The following TNRC6A variants were observed in gnomAD, a reference collection of about 807,000 sequenced individuals.
TNRC6A encodes the protein trinucleotide repeat containing adaptor 6A.
In TNRC6A, 44 loss-of-function variants were observed where a neutral mutation model predicts 221.2. The ratio of observed to expected loss-of-function variants is 0.20; its 90% CI spans 0.16 to 0.26. TNRC6A has a LOEUF of 0.26. Ranked by LOEUF, TNRC6A falls within the 10% of genes least tolerant of loss-of-function variation. The pLI is 1.00. For missense variants in TNRC6A, 2,199 were observed against 2,404.4 expected (o/e 0.91, Z 1.79); for synonymous variants, 847 against 838.5 (o/e 1.01, Z -0.18).
chr16:24,793,766 C>G (rs2058161169), intron 7 of TNRC6A, 117 bp downstream of exon 7: 1 of 876,262 alleles, frequency 1.1e-6, no homozygotes, highest in Non-Finnish European at 1.5e-6. Flanking sequence ...TATAATGTAA[C>G]ATGATAGATG....
At chr16:24,622,242 C>A (rs1900712175) in intron 1 of TNRC6A, among the ~76,000 whole-genome samples, 1 of 151,916 alleles carries the variant, frequency 6.6e-6, no homozygotes, top group African/African-American at 2.4e-5. Context: ...AAGACTCTAT[C>A]CCTAAGAAAA....
intron 4 of TNRC6A, chr16:24,776,297 ATTAT>A: frequency 8.1e-6 from 8 of 985,056 alleles, no homozygotes; most frequent in Non-Finnish European, 8.4e-6. Context: ...GAGCATCCAG[ATTAT>A]TTATCTCATT....
rs191600386 is a variant in TNRC6A at position 24,825,104 on chromosome 16, G to A, written c.*1297G>A. 1 of 152,664 alleles carries A rather than the reference G, an allele frequency of 6.6e-6. No individual in the cohort carries two copies. Among genetic ancestry groups the A allele is most frequent in the African/African-American group, 2.4e-5 (1 of 41,542 alleles). The allele number at this position is 152,664 out of a possible 1,614,324, so 9.5% of individuals were successfully genotyped here. A position where few individuals can be genotyped will look rare whatever the true frequency, so the allele number is the denominator to read the frequency against. On this transcript the variant is annotated 3_prime_UTR_variant, in exon 25 of 25. Coordinates refer to ENST00000395799, the MANE Select transcript of TNRC6A (RefSeq NM_014494.4). The stretch of plus-strand genomic sequence containing the variant: ...AGTAACTATGCATACTGTAACCAAG[G>A]TATTGGGCTTACAGAGTTGTTTGTT...
intron 2 of TNRC6A, chr16:24,671,141 T>C: frequency 4.5e-6 from 1 of 224,010 alleles, no homozygotes; most frequent in Non-Finnish European, 9.8e-6. Flanking sequence ...ACCCGCCTGC[T>C]CCCTGGGTGG....
At chr16:24,767,646 A>G (rs1043321551) in intron 4 of TNRC6A, among the ~76,000 whole-genome samples, 2 of 152,182 alleles carry the variant, frequency 1.3e-5, no homozygotes, top group African/African-American at 4.8e-5. Flanking sequence ...AATCTCTAGC[A>G]TTTTATAGTA....
chr16:24,715,392 CT>C (rs1466033115), intron 2 of TNRC6A, among the ~76,000 whole-genome samples: 1 of 151,800 alleles, frequency 6.6e-6, no homozygotes, highest in Non-Finnish European at 1.5e-5. Context: ...CCTTTTAAGC[CT>C]TGTTGGGCAC....
intron 2 of TNRC6A, among the ~76,000 whole-genome samples, chr16:24,709,954 G>A (rs1271084127): frequency 4.6e-5 from 7 of 151,882 alleles, no homozygotes; most frequent in South Asian, 2.1e-4. Flanking sequence ...TATGCTGGGC[G>A]CAGTGGTTCA....
chr16:24,797,625 T>A (rs2058246656), intron 10 of TNRC6A, 55 bp downstream of exon 10: 1 of 1,350,306 alleles, frequency 7.4e-7, no homozygotes, highest in Non-Finnish European at 1.0e-6. Flanking sequence ...CCATGATTTA[T>A]CTTGATTTCA....
chr16:24,704,792 G>A (rs1191618492), intron 2 of TNRC6A, among the ~76,000 whole-genome samples: 1 of 151,480 alleles, frequency 6.6e-6, no homozygotes, highest in Non-Finnish European at 1.5e-5. Flanking sequence ...TTTTCTGGGT[G>A]CATGCAATAC....
rs60469088 is a variant in TNRC6A at position 24,714,302 on chromosome 16, C to CTTTTTTTTTTTTTTTTTT, written n.403-36417_403-36400dup. Among the ~76,000 whole-genome samples the CTTTTTTTTTTTTTTTTTT allele has an allele frequency of 2.8e-5, 2 of 71,294 alleles. 1 individual carries two copies. 46.8% of individuals were successfully genotyped at this position (71,294 alleles called of 152,430 possible). On this transcript the variant is annotated intron_variant and non_coding_transcript_variant, in intron 2 of 2. Coordinates refer to the TNRC6A transcript ENST00000566108. Reference sequence around the variant, plus strand: ...CTGCAGTGCCTGATTTGCTGTTAATCTTTTTTTTTTTTTTTTTTTTTTTTG... The same window carrying CTTTTTTTTTTTTTTTTTT: ...CTGCAGTGCCTGATTTGCTGTTAATCTTTTTTTTTTTTTTTTTTTTTTTTTTTTTTTTTTTTTTTTTTG...
chr16:24,621,600 C>A (rs1010687100), intron 1 of TNRC6A, among the ~76,000 whole-genome samples: 4 of 151,996 alleles, frequency 2.6e-5, no homozygotes, highest in Non-Finnish European at 5.9e-5. Flanking sequence ...TCAGATGATC[C>A]ACCCACCTTG....
At chr16:24,680,936 A>C (rs961571152) in intron 2 of TNRC6A, among the ~76,000 whole-genome samples, 19 of 151,614 alleles carry the variant, frequency 1.3e-4, no homozygotes, top group African/African-American at 4.6e-4. Context: ...ATTAAAAAAA[A>C]AAAATTTTTT....
intron 1 of TNRC6A, among the ~76,000 whole-genome samples, chr16:24,627,899 G>A (rs533190006): frequency 6.7e-5 from 10 of 150,220 alleles, no homozygotes; most frequent in South Asian, 6.3e-4. Flanking sequence ...GGGTTTCATC[G>A]TGTTGGCCAG....
At chr16:24,759,637 G>T (rs1364667579) in intron 4 of TNRC6A, among the ~76,000 whole-genome samples, 1 of 152,176 alleles carries the variant, frequency 6.6e-6, no homozygotes, top group African/African-American at 2.4e-5. Context: ...AAAGGTGTTT[G>T]GATTTGGAAT....
At chr16:24,744,685 TCTC>T (rs1026057146) in intron 2 of TNRC6A, among the ~76,000 whole-genome samples, 12 of 152,204 alleles carry the variant, frequency 7.9e-5, no homozygotes, top group Non-Finnish European at 1.5e-4. Flanking sequence ...TGTATGCTAT[TCTC>T]CTTCCTTCCT....
At chr16:24,745,217 C>T (rs16973968) in intron 2 of TNRC6A, among the ~76,000 whole-genome samples, 5,000 of 152,198 alleles carry the variant, frequency 0.033, 281 homozygotes, top group African/African-American at 0.11. Context: ...TTTGAAAAAC[C>T]GATCCAAATC....
chr16:24,804,894 G>C, intron 13 of TNRC6A, 43 bp downstream of exon 13: 1 of 1,613,430 alleles, frequency 6.2e-7, no homozygotes, highest in Non-Finnish European at 8.5e-7. Context: ...TGAATGATTT[G>C]TATTAGTAAT....
intron 2 of TNRC6A, among the ~76,000 whole-genome samples, chr16:24,669,101 G>A (rs533917571): frequency 1.3e-5 from 2 of 152,060 alleles, no homozygotes; most frequent in East Asian, 3.9e-4. Context: ...GAGAAATAAA[G>A]CCTTAAATAA....
Position 24,806,502 on chromosome 16 carries a change from G to C in TNRC6A, c.4330-72G>C. ...TGAGACGAAAGTGAATTCAAAAATG[G>C]AGAGGAATATGTAGTTTTCTGTAAA... On this transcript the variant is annotated intron_variant, in intron 16 of 24. Coordinates refer to ENST00000395799, the MANE Select transcript of TNRC6A (RefSeq NM_014494.4). 2.6e-6 allele frequency: 4 copies of C among 1,561,022 alleles called. No individual in the cohort carries two copies. In the South Asian group the frequency reaches 4.5e-5, roughly 18 times the overall value.
Sources: allele counts gnomAD v4.1 joint callset (sites outside exome capture counted in the v4.1 genomes callset), GRCh38; gene constraint gnomAD v4.1.1; transcripts MANE v1.5; gene names NCBI Gene and HGNC (gene_info 2026-07-23, HGNC 2026-07-21).